The following RAB3IL1 variants were observed in gnomAD, a reference collection of about 807,000 sequenced individuals.
RAB3IL1 encodes RAB3A interacting protein like 1.
RAB3IL1 carries 37 observed loss-of-function variants against 49.2 expected under a neutral mutation model. The ratio of observed to expected loss-of-function variants is 0.75; its 90% confidence interval spans 0.58 to 0.99. The LOEUF (loss-of-function observed/expected upper bound fraction) is 0.99, where lower values mean the gene tolerates loss of function less well. RAB3IL1 is among the 50% of genes least tolerant of loss of function. The pLI is 0.00. For missense variants in RAB3IL1, 484 were observed against 513.0 expected, an observed-to-expected ratio of 0.94 and a Z score of 0.55; for synonymous variants, 193 against 213.9, an observed-to-expected ratio of 0.90 and a Z score of 0.85.
At chr11:61,915,290 T>C (rs774069394) in intron 1 of RAB3IL1, among the ~76,000 whole-genome samples, 8 of 151,986 alleles carry the variant, frequency 5.3e-5, no homozygotes, top group Non-Finnish European at 1.2e-4. Flanking sequence ...TTGCTGGGAA[T>C]ATGGCAGGGG....
At position 61,904,753 on chromosome 11, in the gene RAB3IL1, C is replaced by T; in HGVS notation, c.786+1G>A. The T allele has an allele frequency of 6.2e-7, 1 of 1,601,474 alleles. No homozygotes were observed. The highest frequency in any genetic ancestry group is 1.1e-5 in the South Asian group (1 of 89,282). ...CTGGCCCCGCCCCTGCCATGCCTCA[C>T]CTCCTGCATTGTGAAGTCCAGGCAG... On this transcript the variant is annotated splice_donor_variant, in intron 6 of 9. Coordinates refer to ENST00000394836, the MANE Select transcript of RAB3IL1 (RefSeq NM_013401.4). LOFTEE classifies it high-confidence loss of function.
intron 7 of RAB3IL1, 79 bp downstream of exon 7, chr11:61,904,467 C>T (rs1431234350): frequency 3.7e-6 from 5 of 1,364,752 alleles, no homozygotes; most frequent in African/African-American, 1.4e-5. Flanking sequence ...TGCATCCTGA[C>T]CACCCCTCGG....
At chr11:61,945,106 A>G in the RAB3IL1 span, among the ~76,000 whole-genome samples, 3 of 152,170 alleles carry the variant, frequency 2.0e-5, no homozygotes, top group Non-Finnish European at 2.9e-5. Context: ...AAAGGCAGCT[A>G]AGGCAGCCTG....
chr11:61,917,020 T>TG (rs1402835022), intron 1 of RAB3IL1, among the ~76,000 whole-genome samples: 1 of 138,278 alleles, frequency 7.2e-6, no homozygotes. Flanking sequence ...GAGGGTGGGC[T>TG]GGGGGTCCTT....
chr11:61,915,766 A>G (rs964019258), intron 1 of RAB3IL1, among the ~76,000 whole-genome samples: 10 of 152,314 alleles, frequency 6.6e-5, no homozygotes, highest in Middle Eastern at 3.4e-3. Flanking sequence ...GGCCGGGTGC[A>G]GTGGCTCACA....
Position 61,902,458 on chromosome 11 carries a change from G to A in RAB3IL1, c.983C>T (p.Pro328Leu). 1 of 1,596,338 alleles carries A rather than the reference G, an allele frequency of 6.3e-7. No homozygotes were observed. Among genetic ancestry groups the A allele is most frequent in the East Asian group, 2.3e-5 (1 of 44,160 alleles). The change falls in exon 8 of 10, where the codon CCA becomes CTA. Residue 328 changes from proline to leucine, a missense_variant. Coordinates refer to ENST00000394836, the MANE Select transcript of RAB3IL1 (RefSeq NM_013401.4). ...CTGACTCACCCTGGCCCGGGAAGAT[G>A]GCGAGATGTAGTAATGGCTTTTGGA... ...GDSKSHYYISPSSRARITAVC... is the reference protein window; with the variant it reads ...GDSKSHYYISLSSRARITAVC...
chr11:61,943,130 T>C, the RAB3IL1 span, among the ~76,000 whole-genome samples: 1 of 152,174 alleles, frequency 6.6e-6, no homozygotes, highest in African/African-American at 2.4e-5. Context: ...ATTAAAACAA[T>C]GAAATATTGA....
At chr11:61,920,632 C>G (rs1255321308), upstream of RAB3IL1, among the ~76,000 whole-genome samples, 1 of 152,222 alleles carries the variant, frequency 6.6e-6, no homozygotes, top group Middle Eastern at 3.2e-3. Flanking sequence ...CCCCTTAAAA[C>G]TTTGTTATTG....
the RAB3IL1 span, among the ~76,000 whole-genome samples, chr11:61,927,869 G>A: frequency 1.3e-5 from 2 of 152,058 alleles, no homozygotes; most frequent in Non-Finnish European, 2.9e-5. Context: ...CATGCCTCCT[G>A]TACAGCCTGC....
At chr11:61,900,205 A>G (rs577718734) in intron 8 of RAB3IL1, among the ~76,000 whole-genome samples, 22 of 152,356 alleles carry the variant, frequency 1.4e-4, no homozygotes, top group African/African-American at 4.3e-4. Flanking sequence ...GCTGGGCTGT[A>G]GCTAAGGCCA....
At chr11:61,900,074 C>G (rs1359216319) in intron 8 of RAB3IL1, among the ~76,000 whole-genome samples, 1 of 152,216 alleles carries the variant, frequency 6.6e-6, no homozygotes, top group East Asian at 1.9e-4. Context: ...AGGTGCCCCC[C>G]TCTGTACTCA....
At chr11:61,916,832 G>A (rs367819233) in intron 1 of RAB3IL1, among the ~76,000 whole-genome samples, 2 of 152,116 alleles carry the variant, frequency 1.3e-5, no homozygotes, top group African/African-American at 4.8e-5. Context: ...TCCAGGCTGC[G>A]GGGCCGGGGC....
At chr11:61,920,975 AT>A (rs1359515143), upstream of RAB3IL1, among the ~76,000 whole-genome samples, 5 of 151,990 alleles carry the variant, frequency 3.3e-5, no homozygotes, top group Admixed American at 6.6e-5. Context: ...TTTTTTCTTT[AT>A]TTTTAAATTC....
chr11:61,917,674 C>G, upstream of RAB3IL1: 2 of 658,236 alleles, frequency 3.0e-6, no homozygotes, highest in Non-Finnish European at 3.8e-6. Flanking sequence ...ACCCGGCCCG[C>G]CGCGCCGGGA....
Position 61,908,176 on chromosome 11 carries a change from C to A in RAB3IL1, c.142G>T (p.Ala48Ser). 1.3e-6 allele frequency: 2 copies of A among 1,555,604 alleles called. No homozygotes were observed. The highest frequency in any genetic ancestry group is 1.2e-5 in the South Asian group (1 of 85,200). Reference sequence around the variant, plus strand: ...GCTGCGGGGCCCTCCTGGCCTTGGGCCTCCTCCCCTGCAGAGGTCTCCACC... The same window carrying A: ...GCTGCGGGGCCCTCCTGGCCTTGGGACTCCTCCCCTGCAGAGGTCTCCACC... ...ALVETSAGEE[A>S]QGQEGPAAAQ... Residue 48 changes from alanine (A) to serine (S), a missense_variant, in exon 2 of 10, where the codon GCC becomes TCC. Transcript: ENST00000394836.
intron 1 of RAB3IL1, among the ~76,000 whole-genome samples, chr11:61,911,618 A>G (rs1752770592): frequency 1.3e-5 from 2 of 152,146 alleles, no homozygotes; most frequent in Admixed American, 1.3e-4. Context: ...GTCCGGGTCC[A>G]CCGCTCTCTG....
the RAB3IL1 span, among the ~76,000 whole-genome samples, chr11:61,946,178 G>A: frequency 5.9e-5 from 9 of 152,208 alleles, no homozygotes; most frequent in South Asian, 1.9e-3. Context: ...CCCAAGAGAG[G>A]GGTGTGGGCT....
intron 5 of RAB3IL1, among the ~76,000 whole-genome samples, chr11:61,905,462 C>T (rs907634039): frequency 6.6e-6 from 1 of 152,090 alleles, no homozygotes; most frequent in Non-Finnish European, 1.5e-5. Context: ...GCGGCCAGGC[C>T]GGCTCGTAGG....
At chr11:61,924,113 C>G (rs1474142238), upstream of RAB3IL1, among the ~76,000 whole-genome samples, 1 of 152,216 alleles carries the variant, frequency 6.6e-6, no homozygotes, top group Non-Finnish European at 1.5e-5. Context: ...CACAACAGAC[C>G]TCCTTCGACC....
Sources: allele counts gnomAD v4.1 joint callset (sites outside exome capture counted in the v4.1 genomes callset), GRCh38; gene constraint gnomAD v4.1.1; transcripts MANE v1.5; gene names NCBI Gene and HGNC (gene_info 2026-07-23, HGNC 2026-07-21).